Variants in KRT17 observed in about 807,000 individuals in gnomAD.
KRT17 encodes the protein keratin 17.
Under a neutral mutation model 45.6 loss-of-function variants are expected in KRT17, and 29 were observed. The observed-to-expected ratio is 0.64, with a 90% confidence interval of 0.47 to 0.87. The LOEUF (loss-of-function observed/expected upper bound fraction) is 0.87. Ranked by LOEUF, KRT17 falls within the 40% of genes least tolerant of loss-of-function variation. The probability of loss-of-function intolerance (pLI) is 0.00; values close to 1 mark genes in which losing one functional copy is unlikely to be tolerated. For missense variants in KRT17, 536 were observed against 577.8 expected (o/e 0.93, Z 0.74); for synonymous variants, 219 against 234.6 (o/e 0.93, Z 0.61).
Position 41,624,225 on chromosome 17 carries a change from C to T in KRT17, c.285G>A (p.Leu95=). Residue 95 remains leucine (L), a synonymous_variant, in exon 1 of 8, where the codon CTG becomes CTA. Coordinates refer to ENST00000311208, the MANE Select transcript of KRT17 (RefSeq NM_000422.3). ...KATMQNLNDR[L]ASYLDKVRAL... ...CACGCACCTTGTCCAGGTAGGAGGC[C>T]AGGCGGTCATTGAGGTTCTGCATGG... The T allele has an allele frequency of 1.9e-6, 3 of 1,612,816 alleles. No individual in the cohort carries two copies. The highest frequency in any genetic ancestry group is 2.5e-6 in the Non-Finnish European group (3 of 1,180,028).
intron 7 of KRT17, 39 bp from the exon 8 acceptor site, chr17:41,619,727 A>G (rs757157079): frequency 6.2e-7 from 1 of 1,611,714 alleles, no homozygotes; most frequent in South Asian, 1.1e-5. Context: ...GGTAGGGGCC[A>G]GGAGGCCCTC....
chr17:41,619,687 C>T lies in KRT17; in HGVS notation c.1206G>A (p.Pro402=), dbSNP rs774656236. ...DAHLTQYKKE[P]VTTRQVRTIV... ...TGGTACGCACCTGACGGGTGGTCAC[C>T]GCTGCAGGAGAAGCAGGCAATTTAA... The change falls in exon 8 of 8, where the codon CCG becomes CCA. Residue 402 remains proline (P), a splice_region_variant and synonymous_variant. Coordinates refer to ENST00000311208, the MANE Select transcript of KRT17 (RefSeq NM_000422.3). 3.1e-6 allele frequency: 5 copies of T among 1,612,048 alleles called. No individual in the cohort carries two copies. The highest frequency in any genetic ancestry group is 1.3e-5 in the African/African-American group (1 of 74,852).
chr17:41,624,562 GC>G lies in KRT17; in HGVS notation c.-54del. The stretch of plus-strand genomic sequence containing the variant: ...AGGAGAAGGGCTGGAGAGGAGAGGG[GC>G]CCCAAGTTGTGTAGGGCTGCCGGGG... On this transcript the variant is annotated 5_prime_UTR_variant, in exon 1 of 8. Transcript: ENST00000311208. The G allele has an allele frequency of 6.5e-7, 1 of 1,536,788 alleles. No individual in the cohort carries two copies.
Position 41,624,447 on chromosome 17 carries a change from C to T in KRT17, c.63G>A (p.Gly21=), listed in dbSNP as rs1267463075. ...GGCAGGAGGTGCGGGACGAGCCGCC[C>T]CCCAGGCCGGAGGAGCCCTTGATGG... ...SSSIKGSSGL[G]GGSSRTSCRL... Residue 21 remains glycine (G), a synonymous_variant, in exon 1 of 8, where the codon GGG becomes GGA. Coordinates refer to ENST00000311208, the MANE Select transcript of KRT17 (RefSeq NM_000422.3). 2.5e-6 allele frequency: 4 copies of T among 1,610,244 alleles called. No homozygotes were observed. The highest frequency in any genetic ancestry group is 3.4e-6 in the Non-Finnish European group (4 of 1,179,452).
At position 41,620,946 on chromosome 17, in the gene KRT17, A is replaced by G. The variant is rs377530014; in HGVS notation, c.960+20T>C. ...AATGCCCTCTTCTGGGCCCTCCCCC[A>G]TGCACAGGACTGTTCCTACCATGCT... On this transcript the variant is annotated intron_variant, in intron 5 of 7. Transcript: ENST00000311208. 4 of 1,613,930 alleles carry G rather than the reference A, an allele frequency of 2.5e-6. No individual in the cohort carries two copies. Among genetic ancestry groups the G allele is most frequent in the Non-Finnish European group, 2.5e-6 (3 of 1,179,992 alleles).
rs756779539 is a variant in KRT17, at chr17:41,623,033, C to G, written c.433-1G>C. ...CATTGTCCACGGTGGCTGTGAGGAT[C>G]TGAGGAGAAGGGAGAGTAGTCAGGT... On this transcript the variant is annotated splice_acceptor_variant, in intron 1 of 7. Coordinates refer to ENST00000311208, the MANE Select transcript of KRT17 (RefSeq NM_000422.3). LOFTEE classifies it high-confidence loss of function. 9 of 1,612,578 alleles carry G rather than the reference C, an allele frequency of 5.6e-6. No homozygotes were observed. Among genetic ancestry groups the G allele is most frequent in the Middle Eastern group, 1.7e-4 (1 of 5,858 alleles).
rs1172255841 is a variant in KRT17, at chr17:41,620,532, T to C, written c.1204+4A>G. On this transcript the variant is annotated splice_donor_region_variant and intron_variant, in intron 7 of 7. Coordinates refer to ENST00000311208, the MANE Select transcript of KRT17 (RefSeq NM_000422.3). Reference sequence around the variant, plus strand: ...CCCAGGGCCGAAGCCACGCAGATACTTACGTTCTTTCTTGTACTGAGTCAG... The same window carrying C: ...CCCAGGGCCGAAGCCACGCAGATACCTACGTTCTTTCTTGTACTGAGTCAG... 1 of 1,611,630 alleles carries C rather than the reference T, an allele frequency of 6.2e-7. No homozygotes were observed. The highest frequency in any genetic ancestry group is 1.1e-5 in the South Asian group (1 of 90,980).
chr17:41,621,652 G>A lies in KRT17; in HGVS notation c.775C>T (p.Gln259Ter). Residue 259 changes from glutamine (Q) to a stop codon, truncating the protein, a stop_gained, in exon 4 of 8, where the codon CAG (glutamine) becomes TAG (stop). Transcript: ENST00000311208. LOFTEE classifies it high-confidence loss of function. ...LSRILNEMRD[Q>*]YEKMAEKNRK... ...TTCTTCTCTGCCATCTTCTCATACTGGTCACGCATCTCGTTGAGGATGCGG... is the reference window on the plus strand; with the variant it reads ...TTCTTCTCTGCCATCTTCTCATACTAGTCACGCATCTCGTTGAGGATGCGG... 1 of 1,612,188 alleles carries A rather than the reference G, an allele frequency of 6.2e-7. No homozygotes were observed. Among genetic ancestry groups the A allele is most frequent in the Non-Finnish European group, 8.5e-7 (1 of 1,179,860 alleles).
chr17:41,621,682 G>A lies in KRT17; in HGVS notation c.745C>T (p.Leu249=). 1 of 1,612,256 alleles carries A rather than the reference G, an allele frequency of 6.2e-7. No homozygotes were observed. Among genetic ancestry groups the A allele is most frequent in the Non-Finnish European group, 8.5e-7 (1 of 1,179,860 alleles). The change falls in exon 4 of 8, where the codon CTG becomes TTG. Residue 249 remains leucine (L), a synonymous_variant. Coordinates refer to ENST00000311208, the MANE Select transcript of KRT17 (RefSeq NM_000422.3). ...VEMDAAPGVD[L]SRILNEMRDQ... ...CGCATCTCGTTGAGGATGCGGCTCA[G>A]GTCCACGCCTGGGGCAGCGTCCATC...
Position 41,624,359 on chromosome 17 carries a change from T to C in KRT17, c.151A>G (p.Thr51Ala), listed in dbSNP as rs201047424. 89 of 1,610,868 alleles carry C rather than the reference T, an allele frequency of 5.5e-5. No individual in the cohort carries two copies. Among genetic ancestry groups the C allele is most frequent in the Admixed American group, 1.5e-4 (9 of 59,972 alleles). The change falls in exon 1 of 8, where the codon ACC becomes GCC. Residue 51 changes from threonine to alanine, a missense_variant. Coordinates refer to ENST00000311208, the MANE Select transcript of KRT17 (RefSeq NM_000422.3). ...RLGSAGGLGS[T>A]LGGSSYSSCY... ...CTGGAGTAGCTGCTACCCCCGAGGGTGCTGCCCAGGCCGCCAGCAGATCCC... is the reference window on the plus strand; with the variant it reads ...CTGGAGTAGCTGCTACCCCCGAGGGCGCTGCCCAGGCCGCCAGCAGATCCC...
intron 7 of KRT17, 60 bp from the exon 8 acceptor site, chr17:41,619,748 T>C: frequency 3.1e-6 from 5 of 1,610,742 alleles, no homozygotes; most frequent in Middle Eastern, 2.3e-4. Context: ...GCTTGCCCCC[T>C]AGCCCTCATG....
chr17:41,623,161 A>G, intron 1 of KRT17, 129 bp from the exon 2 acceptor site: 2 of 744,274 alleles, frequency 2.7e-6, no homozygotes, highest in East Asian at 5.4e-5. Context: ...GTGCTGTATT[A>G]TTGGCAGAGG....
chr17:41,624,504 G>T lies in KRT17; in HGVS notation c.6C>A (p.Thr2=). The part of the protein sequence containing the change: M[T]TSIRQFTSSS... ...AGGAGGTGAACTGGCGGATGGAGGT[G>T]GTCATGGTGGCGGCGGCAGGAGGCA... Residue 2 remains threonine (T), a synonymous_variant, in exon 1 of 8, where the codon ACC becomes ACA. Transcript: ENST00000311208. The T allele has an allele frequency of 1.2e-6, 2 of 1,609,752 alleles. No homozygotes were observed. Among genetic ancestry groups the T allele is most frequent in the Non-Finnish European group, 1.7e-6 (2 of 1,179,250 alleles).
rs371775733 is a variant in KRT17 at position 41,620,719 on chromosome 17, T to C, written c.1121A>G (p.Lys374Arg). ...GGCAATCTCCTGCTCCAGCCGCGTC[T>C]TCACATCCAGCAGGATTTTGTATTC... Reference protein sequence around the residue: ...NQEYKILLDVKTRLEQEIATY... With the variant: ...NQEYKILLDVRTRLEQEIATY... The change falls in exon 6 of 8, where the codon AAG becomes AGG. Residue 374 changes from lysine (K) to arginine (R), a missense_variant. Transcript: ENST00000311208. 1 of 1,612,284 alleles carries C rather than the reference T, an allele frequency of 6.2e-7. No individual in the cohort carries two copies. Among genetic ancestry groups the C allele is most frequent in the East Asian group, 2.2e-5 (1 of 44,882 alleles).
In KRT17 at chr17:41,624,161, G is replaced by A. The variant is rs375507162; in HGVS notation, c.349C>T (p.Arg117Cys). 59 of 1,612,284 alleles carry A rather than the reference G, an allele frequency of 3.7e-5. No homozygotes were observed. The highest frequency in any genetic ancestry group is 8.3e-5 in the Admixed American group (5 of 60,026). Reference protein sequence around the residue: ...EANTELEVKIRDWYQRQAPGP... With the variant: ...EANTELEVKICDWYQRQAPGP... ...GGGGCCTGCCTCTGGTACCAGTCACGGATCTTCACCTCCAGCTCAGTGTTG... is the reference window on the plus strand; with the variant it reads ...GGGGCCTGCCTCTGGTACCAGTCACAGATCTTCACCTCCAGCTCAGTGTTG... Residue 117 changes from arginine to cysteine, a missense_variant, in exon 1 of 8, where the codon CGT (arginine) becomes TGT (cysteine). Arg to Cys is a radical substitution (Grantham distance 180). Coordinates refer to ENST00000311208, the MANE Select transcript of KRT17 (RefSeq NM_000422.3).
rs548588155 is a variant in KRT17 at position 41,622,430 on chromosome 17, C to T, written c.597G>A (p.Leu199=). ...TCTGCATCTCCAGGTCGGCTCTGGC[C>T]AGGGTCAGCTCATCCAGCACCCTGC... is the stretch of plus-strand genomic sequence containing the variant. ...GLRRVLDELT[L]ARADLEMQIE... The change falls in exon 3 of 8, where the codon CTG becomes CTA. Residue 199 remains leucine (L), a synonymous_variant. Coordinates refer to ENST00000311208, the MANE Select transcript of KRT17 (RefSeq NM_000422.3). 41 of 1,614,090 alleles carry T rather than the reference C, an allele frequency of 2.5e-5. No homozygotes were observed. In the South Asian group the frequency reaches 4.1e-4, roughly 16 times the overall value.
In KRT17 at chr17:41,619,560, G is replaced by T; in HGVS notation, c.*34C>A. 1 of 1,611,826 alleles carries T rather than the reference G, an allele frequency of 6.2e-7. No homozygotes were observed. The highest frequency in any genetic ancestry group is 8.5e-7 in the Non-Finnish European group (1 of 1,179,868). On this transcript the variant is annotated 3_prime_UTR_variant, in exon 8 of 8. Coordinates refer to ENST00000311208, the MANE Select transcript of KRT17 (RefSeq NM_000422.3). ...GGGCAGATGGGGCGGCTGCCTCCCT[G>T]CCTCCTGGGTGGCCGGCCGGGGTAG... is the stretch of plus-strand genomic sequence containing the variant.
Position 41,624,216 on chromosome 17 carries a change from G to T in KRT17, c.294C>A (p.Tyr98Ter). The T allele has an allele frequency of 6.2e-7, 1 of 1,612,784 alleles. No homozygotes were observed. The highest frequency in any genetic ancestry group is 8.5e-7 in the Non-Finnish European group (1 of 1,180,016). ...MQNLNDRLAS[Y>*]LDKVRALEEA... is the part of the protein sequence containing the mutation. The stretch of plus-strand genomic sequence containing the variant: ...CCTCCAGGGCACGCACCTTGTCCAG[G>T]TAGGAGGCCAGGCGGTCATTGAGGT... Residue 98 changes from tyrosine to a stop codon, truncating the protein, a stop_gained, in exon 1 of 8, where the codon TAC (tyrosine) becomes TAA (stop). Coordinates refer to ENST00000311208, the MANE Select transcript of KRT17 (RefSeq NM_000422.3). LOFTEE classifies it high-confidence loss of function.
In KRT17 at chr17:41,623,220, G is replaced by A. The variant is rs759753249; in HGVS notation, c.433-188C>T. On this transcript the variant is annotated intron_variant, in intron 1 of 7. Transcript: ENST00000311208. ...GCTGAAAGGTGCCTCTTCTTCCCCCGATACTCAGTACCCCACCAGACCCCC... is the reference window on the plus strand; with the variant it reads ...GCTGAAAGGTGCCTCTTCTTCCCCCAATACTCAGTACCCCACCAGACCCCC... 185 of 589,900 alleles carry A rather than the reference G, an allele frequency of 3.1e-4. 1 individual carries two copies. Among genetic ancestry groups the A allele is most frequent in the African/African-American group, 2.9e-3 (158 of 54,106 alleles). The allele number at this position is 589,900 out of a possible 1,614,324, so 36.5% of individuals were successfully genotyped here.
Sources: allele counts gnomAD v4.1 joint callset, GRCh38; gene constraint gnomAD v4.1.1; transcripts MANE v1.5; gene names NCBI Gene and HGNC (gene_info 2026-07-23, HGNC 2026-07-21).